Variants in NEURL1B observed in about 807,000 individuals in gnomAD.
NEURL1B encodes E3 ubiquitin-protein ligase NEURL1B.
In NEURL1B, 13 loss-of-function variants were observed where a neutral mutation model predicts 37.4. That is an observed-to-expected ratio of 0.35 (90% CI 0.23 to 0.55). The LOEUF (loss-of-function observed/expected upper bound fraction) is 0.55, where lower values mean the gene tolerates loss of function less well. Ranked by LOEUF, NEURL1B falls within the 20% of genes least tolerant of loss-of-function variation. NEURL1B has a pLI of 0.89. For synonymous variants in NEURL1B, 432 were observed against 426.6 expected, an observed-to-expected ratio of 1.01 and a Z score of -0.16; for missense variants, 790 against 879.2, an observed-to-expected ratio of 0.90 and a Z score of 1.28.
chr5:172,656,744 GT>G, intron 1 of NEURL1B: 1 of 871,682 alleles, frequency 1.1e-6, no homozygotes, highest in Non-Finnish European at 1.9e-6. Flanking sequence ...CAGAAGTTAA[GT>G]TTAAAAGTAG....
intron 2 of NEURL1B, among the ~76,000 whole-genome samples, chr5:172,678,011 C>T (rs1758272295): frequency 6.6e-6 from 1 of 152,164 alleles, no homozygotes; most frequent in Non-Finnish European, 1.5e-5. Context: ...ATCCTGGGCC[C>T]ACTACCGGGC....
intron 1 of NEURL1B, among the ~76,000 whole-genome samples, chr5:172,666,387 G>A (rs1394359012): frequency 6.6e-6 from 1 of 152,220 alleles, no homozygotes; most frequent in Non-Finnish European, 1.5e-5. Flanking sequence ...ATTAAATGAT[G>A]AAATGCATGG....
rs1277817748 is a variant in NEURL1B, at chr5:172,641,358, C to G, written c.-49C>G. The G allele has an allele frequency of 7.3e-7, 1 of 1,378,734 alleles. No individual in the cohort carries two copies. The highest frequency in any genetic ancestry group is 1.5e-5 in the African/African-American group (1 of 66,300). 85.4% of individuals were successfully genotyped at this position (1,378,734 alleles called of 1,614,324 possible). A position where few individuals can be genotyped will look rare whatever the true frequency, so the allele number is the denominator to read the frequency against. Reference sequence around the variant, plus strand: ...GTCCCTGGCCCGCCGCGTAATTAGCCTCCGCGCGCCCAGAGCGCGCCGCCG... The same window carrying G: ...GTCCCTGGCCCGCCGCGTAATTAGCGTCCGCGCGCCCAGAGCGCGCCGCCG... On this transcript the variant is annotated 5_prime_UTR_variant, in exon 1 of 5. Transcript: ENST00000369800. This position sits in a 1 kb window ranked among gnomAD's most constrained non-coding sequence, Gnocchi z 6.4.
intron 1 of NEURL1B, among the ~76,000 whole-genome samples, chr5:172,643,059 C>T (rs569317073): frequency 1.2e-4 from 19 of 152,352 alleles, no homozygotes; most frequent in South Asian, 4.1e-4. Flanking sequence ...GACAGACACA[C>T]GCCAGGCAGG....
chr5:172,686,765 G>A lies in NEURL1B; in HGVS notation c.1508G>A (p.Cys503Tyr). Residue 503 changes from cysteine (C) to tyrosine (Y), a missense_variant, in exon 5 of 5, where the codon TGC becomes TAC. Physicochemically the swap from Cys to Tyr is radical, Grantham distance 194 (BLOSUM62 -2). Around this residue, in one of 3 missense-constraint regions of NEURL1B, gnomAD observed 115 missense variants for 162.6 expected, o/e 0.71. Transcript: ENST00000369800. The surrounding 1 kb of genome is among the most constrained non-coding windows in gnomAD (Gnocchi z 7.9). The stretch of plus-strand genomic sequence containing the variant: ...CCGGCAGGCATCAAGAATGGCGAGT[G>A]CACGGTGTGCTTCGATGGCGAGGTG... Reference protein sequence around the residue: ...PEPAGIKNGECTVCFDGEVDT... With the variant: ...PEPAGIKNGEYTVCFDGEVDT... The A allele has an allele frequency of 6.4e-7, 1 of 1,551,734 alleles. No individual in the cohort carries two copies. The highest frequency in any genetic ancestry group is 8.7e-7 in the Non-Finnish European group (1 of 1,147,134).
Position 172,686,075 on chromosome 5 carries a change from G to T in NEURL1B, c.1298-96G>T. The T allele has an allele frequency of 6.9e-7, 1 of 1,440,496 alleles. No homozygotes were observed. The highest frequency in any genetic ancestry group is 9.4e-7 in the Non-Finnish European group (1 of 1,069,126). 89.2% of individuals were successfully genotyped at this position (1,440,496 alleles called of 1,614,324 possible). On this transcript the variant is annotated intron_variant, in intron 3 of 4. Transcript: ENST00000369800. This position sits in a 1 kb window ranked among gnomAD's most constrained non-coding sequence, Gnocchi z 7.9. ...GGAGATACCTCTGGTCCTCTCGTTA[G>T]ACGGGAAAGCTAAGGTGCAAAGCAG...
chr5:172,654,007 A>G (rs918664680), intron 1 of NEURL1B, among the ~76,000 whole-genome samples: 2 of 152,072 alleles, frequency 1.3e-5, no homozygotes, highest in African/African-American at 2.4e-5. Context: ...TTTTTCCCCT[A>G]AAGATGATAA....
Position 172,683,462 on chromosome 5 carries a change from G to C in NEURL1B, c.621G>C (p.Gln207His), listed in dbSNP as rs527371289. Residue 207 changes from glutamine to histidine, a missense_variant, in exon 3 of 5, where the codon CAG (glutamine) becomes CAC (histidine). Physicochemically the swap from Gln to His is conservative, Grantham distance 24. Coordinates refer to ENST00000369800, the MANE Select transcript of NEURL1B (RefSeq NM_001142651.3). This position sits in a 1 kb window ranked among gnomAD's most constrained non-coding sequence, Gnocchi z 5.6. Reference sequence around the variant, plus strand: ...CGCTGACGCCCGCGCGCCTCAGCCAGGCCCGCTTCAGCGCCTGCCTGCCGC... The same window carrying C: ...CGCTGACGCCCGCGCGCCTCAGCCACGCCCGCTTCAGCGCCTGCCTGCCGC... ...ADTLTPARLS[Q>H]ARFSACLPPS... is the part of the protein sequence containing the mutation. 418 of 1,473,458 alleles carry C rather than the reference G, an allele frequency of 2.8e-4. 6 individuals carry two copies. The East Asian group carries it at 0.011, about 40-fold the overall frequency. The allele number at this position is 1,473,458 out of a possible 1,614,324, so 91.3% of individuals were successfully genotyped here. A position where few individuals can be genotyped will look rare whatever the true frequency, so the allele number is the denominator to read the frequency against.
At chr5:172,664,520 C>A (rs1050967087) in intron 1 of NEURL1B, among the ~76,000 whole-genome samples, 1 of 152,144 alleles carries the variant, frequency 6.6e-6, no homozygotes, top group South Asian at 2.1e-4. Context: ...CTCCTCTTTT[C>A]TGAACTTTCT....
In NEURL1B at chr5:172,662,521, G is replaced by A. The variant is rs115841413; in HGVS notation, c.32-7264G>A. Among the ~76,000 whole-genome samples, 337 of 152,268 alleles carry A rather than the reference G, an allele frequency of 2.2e-3. 2 individuals carry two copies. Among genetic ancestry groups the A allele is most frequent in the African/African-American group, 7.5e-3 (311 of 41,550 alleles). Reference sequence around the variant, plus strand: ...TCTACTATGTGCCAGGACTTCTGCCGGGATTTTTCTATGCTCTCATTGCCC... The same window carrying A: ...TCTACTATGTGCCAGGACTTCTGCCAGGATTTTTCTATGCTCTCATTGCCC... On this transcript the variant is annotated intron_variant, in intron 1 of 4. Transcript: ENST00000369800.
At position 172,686,069 on chromosome 5, in the gene NEURL1B, T is replaced by C. The variant is rs1047992773; in HGVS notation, c.1298-102T>C. ...ACCCTGGGAGATACCTCTGGTCCTC[T>C]CGTTAGACGGGAAAGCTAAGGTGCA... On this transcript the variant is annotated intron_variant, in intron 3 of 4. Transcript: ENST00000369800. The surrounding 1 kb of genome is among the most constrained non-coding windows in gnomAD (Gnocchi z 7.9). 7.2e-7 allele frequency: 1 copy of C among 1,397,974 alleles called. No individual in the cohort carries two copies. The highest frequency in any genetic ancestry group is 1.4e-5 in the African/African-American group (1 of 69,734). 86.6% of individuals were successfully genotyped at this position (1,397,974 alleles called of 1,614,324 possible).
intron 2 of NEURL1B, among the ~76,000 whole-genome samples, chr5:172,682,446 G>A (rs1344041753): frequency 1.3e-5 from 2 of 152,100 alleles, no homozygotes; most frequent in Non-Finnish European, 2.9e-5. Flanking sequence ...AGTGGTGGCA[G>A]GCACCTGTAA....
At chr5:172,645,406 C>T (rs1757542073) in intron 1 of NEURL1B, among the ~76,000 whole-genome samples, 1 of 152,198 alleles carries the variant, frequency 6.6e-6, no homozygotes, top group African/African-American at 2.4e-5. Flanking sequence ...GATGCTGAGC[C>T]TAGCCGGGAC....
At chr5:172,678,446 C>T (rs1758281402) in intron 2 of NEURL1B, among the ~76,000 whole-genome samples, 1 of 152,232 alleles carries the variant, frequency 6.6e-6, no homozygotes, top group East Asian at 1.9e-4. Flanking sequence ...AGGGGCATCC[C>T]ACACTGAACA....
At chr5:172,642,399 A>G (rs1240186597) in intron 1 of NEURL1B, among the ~76,000 whole-genome samples, 1 of 152,162 alleles carries the variant, frequency 6.6e-6, no homozygotes, top group Admixed American at 6.5e-5. Flanking sequence ...TTTTGTCTTA[A>G]GGCTGGGCCT....
At chr5:172,651,052 GA>G (rs1561641599) in intron 1 of NEURL1B, among the ~76,000 whole-genome samples, 2 of 152,130 alleles carry the variant, frequency 1.3e-5, no homozygotes, top group African/African-American at 4.8e-5. Context: ...GTAGATAATC[GA>G]AAAAGGTTGC....
chr5:172,649,840 T>G (rs1370536908), intron 1 of NEURL1B, among the ~76,000 whole-genome samples: 1 of 152,196 alleles, frequency 6.6e-6, no homozygotes, highest in African/African-American at 2.4e-5. Context: ...GGCAGGTGTT[T>G]CTGAGCAGAG....
intron 2 of NEURL1B, among the ~76,000 whole-genome samples, chr5:172,673,237 A>G (rs1476236884): frequency 2.0e-5 from 3 of 152,160 alleles, no homozygotes; most frequent in Non-Finnish European, 4.4e-5. Flanking sequence ...AGGCACCACG[A>G]GAACATCAAA....
At chr5:172,670,908 G>A (rs1481940035) in intron 2 of NEURL1B, among the ~76,000 whole-genome samples, 3 of 152,200 alleles carry the variant, frequency 2.0e-5, no homozygotes, top group Non-Finnish European at 4.4e-5. Flanking sequence ...CCACATTAAG[G>A]GGCTGGAGGT....
Sources: gnomAD v4.1 joint callset for allele counts (sites outside exome capture counted in the v4.1 genomes callset) on GRCh38, gnomAD v4.1.1 for gene constraint, gnomAD v4.1.1 regional missense constraint, Gnocchi (gnomAD v3.1) non-coding constraint, MANE v1.5 for transcripts, NCBI Gene and HGNC (gene_info 2026-07-23, HGNC 2026-07-21) for gene names.